Variants in UBR1 observed in about 807,000 individuals in gnomAD.
UBR1 encodes the protein E3 ubiquitin-protein ligase UBR1.
Under a neutral mutation model 242.1 loss-of-function variants are expected in UBR1, and 102 were observed. That is an observed-to-expected ratio of 0.42 (90% CI 0.36 to 0.50). The LOEUF (loss-of-function observed/expected upper bound fraction) is 0.50, where lower values mean the gene tolerates loss of function less well. UBR1 is among the 20% of genes least tolerant of loss of function. UBR1 has a pLI of 0.01. For synonymous variants in UBR1, 675 were observed against 684.8 expected (o/e 0.99, Z 0.22); for missense variants, 1,772 against 2,101.8 (o/e 0.84, Z 3.07).
chr15:42,945,909 T>C (rs1442358971), intron 46 of UBR1, among the ~76,000 whole-genome samples: 3 of 152,228 alleles, frequency 2.0e-5, no homozygotes, highest in African/African-American at 7.2e-5. Flanking sequence ...AGATATTTGG[T>C]TGTAACTGTC....
At chr15:43,075,546 G>A (rs2033877165) in intron 3 of UBR1, among the ~76,000 whole-genome samples, 2 of 151,646 alleles carry the variant, frequency 1.3e-5, no homozygotes, top group Admixed American at 6.6e-5. Flanking sequence ...CCACTAACTC[G>A]TCATCTAGCA....
intron 5 of UBR1, 133 bp downstream of exon 5, chr15:43,070,661 TC>T: frequency 7.3e-7 from 1 of 1,361,292 alleles, no homozygotes; most frequent in South Asian, 1.2e-5. Context: ...TTTGAAATAT[TC>T]CCAAGAGATA....
At chr15:43,100,652 T>G (rs1401148856) in intron 1 of UBR1, among the ~76,000 whole-genome samples, 1 of 152,052 alleles carries the variant, frequency 6.6e-6, no homozygotes, top group Non-Finnish European at 1.5e-5. Context: ...CTGGCCAACA[T>G]GGTGAAACCC....
chr15:42,997,435 T>C (rs1567119535), intron 33 of UBR1, among the ~76,000 whole-genome samples: 1 of 152,176 alleles, frequency 6.6e-6, no homozygotes. Context: ...ATCCCCCTCA[T>C]CCGAGGAAAA....
chr15:43,051,785 T>C (rs1006839096), intron 12 of UBR1, among the ~76,000 whole-genome samples: 6 of 151,886 alleles, frequency 4.0e-5, no homozygotes, highest in African/African-American at 1.5e-4. Context: ...GGAAAAGAAG[T>C]CTGTAGATAA....
rs749223205 is a variant in UBR1, at chr15:43,036,584, A to G, written c.2032T>C (p.Tyr678His). 1.9e-6 allele frequency: 3 copies of G among 1,577,466 alleles called. No homozygotes were observed. The South Asian group carries it at 3.3e-5, about 17-fold the overall frequency. The change falls in exon 18 of 47, where the codon TAC (tyrosine) becomes CAC (histidine). Residue 678 changes from tyrosine (Y) to histidine (H), a missense_variant. Coordinates refer to ENST00000290650, the MANE Select transcript of UBR1 (RefSeq NM_174916.3). ...GLSLISQVFY[Y>H]QDVKCREEMY... ...TCTTCTCTGCACTTAACATCTTGGT[A>G]ATAAAACACCTATAAGGTAATAGGT... is the stretch of plus-strand genomic sequence containing the variant.
At chr15:43,084,533 CACA>C (rs2141359470) in intron 2 of UBR1, among the ~76,000 whole-genome samples, 1 of 152,282 alleles carries the variant, frequency 6.6e-6, no homozygotes, top group South Asian at 2.1e-4. Flanking sequence ...CTCGGCTCAC[CACA>C]ACCTCTGTCT....
Position 43,036,278 on chromosome 15 carries a change from A to T in UBR1, c.2090T>A (p.Ile697Asn). Residue 697 changes from isoleucine to asparagine, a missense_variant and splice_region_variant, in exon 19 of 47, where the codon ATT becomes AAT. Coordinates refer to ENST00000290650, the MANE Select transcript of UBR1 (RefSeq NM_174916.3). ...ATTGGGATCCATTAAAGATGCACCA[A>T]TCTGTGAAAGAAATCCAGCATCATA... Reference protein sequence around the residue: ...MYDKDIIMLQIGASLMDPNKF... With the variant: ...MYDKDIIMLQNGASLMDPNKF... 1 of 1,611,300 alleles carries T rather than the reference A, an allele frequency of 6.2e-7. No homozygotes were observed. Among genetic ancestry groups the T allele is most frequent in the South Asian group, 1.1e-5 (1 of 91,034 alleles).
At chr15:43,006,091 T>TAAAAAAAAAAA (rs1257692507) in intron 30 of UBR1, among the ~76,000 whole-genome samples, 1 of 71,630 alleles carries the variant, frequency 1.4e-5, no homozygotes, top group Non-Finnish European at 3.0e-5. Flanking sequence ...CAATAAATAC[T>TAAAAAAAAAAA]AAAAAAAAAA....
At chr15:42,991,231 G>C (rs967664010) in intron 33 of UBR1, among the ~76,000 whole-genome samples, 2 of 150,992 alleles carry the variant, frequency 1.3e-5, no homozygotes, top group Non-Finnish European at 2.9e-5. Context: ...AGCCGAGATC[G>C]CACCACTGCA....
chr15:42,964,277 C>G (rs1360153982), intron 41 of UBR1, among the ~76,000 whole-genome samples: 2 of 152,100 alleles, frequency 1.3e-5, no homozygotes, highest in African/African-American at 2.4e-5. Flanking sequence ...CAAGACCAGC[C>G]TGACCAACAT....
Position 42,988,930 on chromosome 15 carries a change from G to T in UBR1, c.3886C>A (p.Leu1296Ile), listed in dbSNP as rs148011271. The change falls in exon 35 of 47, where the codon CTC becomes ATC. Residue 1296 changes from leucine (L) to isoleucine (I), a missense_variant. This residue lies in a region of UBR1 where 965 missense variants were observed against 1,079.7 expected (regional missense o/e 0.89). Coordinates refer to ENST00000290650, the MANE Select transcript of UBR1 (RefSeq NM_174916.3). ...ATTCTATAAATTGTTGTGGCAAAGA[G>T]AATAACCATTTCCTTGATGCTATTT... Reference protein sequence around the residue: ...YSNSIKEMVILFATTIYRIGL... With the variant: ...YSNSIKEMVIIFATTIYRIGL... The T allele has an allele frequency of 6.2e-7, 1 of 1,607,880 alleles. No individual in the cohort carries two copies. Among genetic ancestry groups the T allele is most frequent in the African/African-American group, 1.3e-5 (1 of 74,782 alleles).
Position 43,048,558 on chromosome 15 carries a change from G to A in UBR1, c.1440-67C>T. The A allele has an allele frequency of 5.7e-6, 7 of 1,238,906 alleles. No homozygotes were observed. The South Asian group carries it at 9.2e-5, about 16-fold the overall frequency. 76.7% of individuals were successfully genotyped at this position (1,238,906 alleles called of 1,614,324 possible). On this transcript the variant is annotated intron_variant, in intron 12 of 46. Coordinates refer to ENST00000290650, the MANE Select transcript of UBR1 (RefSeq NM_174916.3). The stretch of plus-strand genomic sequence containing the variant: ...TTGAGATAATTTTAAGGTTCTCAGG[G>A]TTATAGACAATGTTGATTTATAAAA...
rs1165679606 is a variant in UBR1, at chr15:43,036,141, CT to C, written c.2190+36del. The C allele has an allele frequency of 3.4e-6, 5 of 1,475,532 alleles. No individual in the cohort carries two copies. In the Admixed American group the frequency reaches 5.0e-5, roughly 15 times the overall value. 91.4% of individuals were successfully genotyped at this position (1,475,532 alleles called of 1,614,324 possible). A position where few individuals can be genotyped will look rare whatever the true frequency, so the allele number is the denominator to read the frequency against. On this transcript the variant is annotated intron_variant, in intron 19 of 46. Transcript: ENST00000290650. ...ATGACTGAAATAGTAACAATATTTC[CT>C]TTAAAATTAATTCACATAATTTACA...
intron 1 of UBR1, among the ~76,000 whole-genome samples, chr15:43,087,365 A>C (rs2141361987): frequency 6.6e-6 from 1 of 152,258 alleles, no homozygotes; most frequent in South Asian, 2.1e-4. Flanking sequence ...AGAATGCGCC[A>C]CTGTACTCCA....
chr15:43,005,721 G>A (rs562053929), intron 30 of UBR1, among the ~76,000 whole-genome samples: 3,904 of 152,256 alleles, frequency 0.026, 178 homozygotes, highest in African/African-American at 0.09. Flanking sequence ...AGACATGGGA[G>A]ACTCCATTTT....
At chr15:43,080,955 AAAAAACATTT>A (rs1383461663) in intron 3 of UBR1, among the ~76,000 whole-genome samples, 3 of 152,212 alleles carry the variant, frequency 2.0e-5, no homozygotes, top group Non-Finnish European at 4.4e-5. Context: ...CATCTCAAAA[AAAAAACATTT>A]CGTGTGCAGT....
chr15:42,946,925 A>G (rs2031745853), intron 46 of UBR1, among the ~76,000 whole-genome samples: 1 of 152,202 alleles, frequency 6.6e-6, no homozygotes, highest in East Asian at 1.9e-4. Flanking sequence ...AGGTGGGCAG[A>G]TCAACTGAGG....
At chr15:42,976,281 A>G (rs1374311717) in intron 39 of UBR1, among the ~76,000 whole-genome samples, 1 of 152,192 alleles carries the variant, frequency 6.6e-6, no homozygotes, top group Non-Finnish European at 1.5e-5. Context: ...GAGCAGAACA[A>G]CAGTAAGATA....
Sources: gnomAD v4.1 joint callset for allele counts (sites outside exome capture counted in the v4.1 genomes callset) on GRCh38, gnomAD v4.1.1 for gene constraint, gnomAD v4.1.1 regional missense constraint, MANE v1.5 for transcripts, NCBI Gene and HGNC (gene_info 2026-07-23, HGNC 2026-07-21) for gene names.